Variants in TAF1B observed in about 807,000 individuals in gnomAD.
The protein encoded by TAF1B is TATA-box binding protein associated factor, RNA polymerase I subunit B.
TAF1B carries 61 observed loss-of-function variants against 83.9 expected under a neutral mutation model. The ratio of observed to expected loss-of-function variants is 0.73; its 90% CI spans 0.59 to 0.90. The LOEUF is 0.90. Among genes scored for constraint, TAF1B ranks in the 40% least tolerant of loss-of-function variants. The pLI is 0.00. For synonymous variants in TAF1B, 221 were observed against 224.6 expected (o/e 0.98, Z 0.14); for missense variants, 625 against 677.0 (o/e 0.92, Z 0.85).
chr2:9,851,796 G>A (rs1663404420), intron 4 of TAF1B, among the ~76,000 whole-genome samples, 158 bp downstream of exon 4: 2 of 152,334 alleles, frequency 1.3e-5, no homozygotes, highest in East Asian at 3.9e-4. Flanking sequence ...TAGGTTAGCA[G>A]TTCTGGAAGT....
At chr2:9,921,190 C>T (rs1665867730) in intron 14 of TAF1B, among the ~76,000 whole-genome samples, 1 of 152,174 alleles carries the variant, frequency 6.6e-6, no homozygotes, top group South Asian at 2.1e-4. Context: ...TTCCTAGGCT[C>T]AAGCAATCCT....
In TAF1B at chr2:9,919,114, A is replaced by G. The variant is rs774895978; in HGVS notation, c.1342+3A>G. ...ACCAGTAGCATATAAAAAAAGAGGT[A>G]AGTCAAATTTTGTCTTTTTAATACC... On this transcript the variant is annotated splice_donor_region_variant and intron_variant, in intron 13 of 14. Coordinates refer to ENST00000263663, the MANE Select transcript of TAF1B (RefSeq NM_005680.3). The G allele has an allele frequency of 6.2e-7, 1 of 1,613,848 alleles. No individual in the cohort carries two copies. The highest frequency in any genetic ancestry group is 8.5e-7 in the Non-Finnish European group (1 of 1,179,866).
At chr2:9,918,786 A>G (rs904868547) in intron 12 of TAF1B, among the ~76,000 whole-genome samples, 2 of 152,206 alleles carry the variant, frequency 1.3e-5, no homozygotes, top group African/African-American at 4.8e-5. Context: ...TGTTTTTTGT[A>G]TAATTAATAG....
At chr2:9,888,005 C>T (rs1412248787) in intron 8 of TAF1B, among the ~76,000 whole-genome samples, 1 of 151,972 alleles carries the variant, frequency 6.6e-6, no homozygotes, top group African/African-American at 2.4e-5. Flanking sequence ...AGCAAATACC[C>T]CCACAGCCAA....
Position 9,919,523 on chromosome 2 carries a change from A to G in TAF1B, c.1343-75A>G, listed in dbSNP as rs898655929. ...AAGGAACCAATATTGGTACATTCCT[A>G]TCAAGTAAATTCCAGGCTTTATTTG... is the stretch of plus-strand genomic sequence containing the variant. On this transcript the variant is annotated intron_variant, in intron 13 of 14. Transcript: ENST00000263663. 5.4e-6 allele frequency: 7 copies of G among 1,302,982 alleles called. No individual in the cohort carries two copies. The Admixed American group carries it at 8.8e-5, about 16-fold the overall frequency. 80.7% of individuals were successfully genotyped at this position (1,302,982 alleles called of 1,614,324 possible).
In TAF1B at chr2:9,903,332, G is replaced by A. The variant is rs1031520751; in HGVS notation, c.808-1527G>A. On this transcript the variant is annotated intron_variant, in intron 8 of 14. Coordinates refer to ENST00000263663, the MANE Select transcript of TAF1B (RefSeq NM_005680.3). ...AATCTCCTGACCTCATGATCCGCCC[G>A]GCTCGGCCTCCCAAAGTGCTGGGAT... Among the ~76,000 whole-genome samples, 29 of 152,190 alleles carry A rather than the reference G, an allele frequency of 1.9e-4. No individual in the cohort carries two copies. In the East Asian group the frequency reaches 3.1e-3, roughly 16 times the overall value.
chr2:9,910,618 G>A, intron 9 of TAF1B, 118 bp from the exon 10 acceptor site: 1 of 753,768 alleles, frequency 1.3e-6, no homozygotes. Flanking sequence ...TTCACAAAAT[G>A]TGGGTCTCTG....
In TAF1B at chr2:9,903,925, A is replaced by C. The variant is rs550547358; in HGVS notation, c.808-934A>C. Among the ~76,000 whole-genome samples the C allele has an allele frequency of 6.6e-5, 10 of 152,322 alleles. No homozygotes were observed. In the South Asian group the frequency reaches 2.1e-3, roughly 32 times the overall value. ...AGAATTTTAGTGGCTTTTAACATTT[A>C]GTATTTATGACTTAAAATTGCTGAG... On this transcript the variant is annotated intron_variant, in intron 8 of 14. Transcript: ENST00000263663.
At chr2:9,870,713 C>T (rs1664142431) in intron 6 of TAF1B, among the ~76,000 whole-genome samples, 1 of 152,074 alleles carries the variant, frequency 6.6e-6, no homozygotes, top group South Asian at 2.1e-4. Flanking sequence ...GTGCATTTCT[C>T]ATTCTCTCTC....
intron 3 of TAF1B, 90 bp from the exon 4 acceptor site, chr2:9,851,451 G>T: frequency 1.0e-6 from 1 of 993,536 alleles, no homozygotes; most frequent in Non-Finnish European, 1.4e-6. Flanking sequence ...AATTCAAGTC[G>T]CAATGTGTAA....
chr2:9,903,187 G>C (rs772350680), intron 8 of TAF1B, among the ~76,000 whole-genome samples: 1 of 152,118 alleles, frequency 6.6e-6, no homozygotes, highest in Admixed American at 6.5e-5. Flanking sequence ...CTGGGTTCAC[G>C]CCATTCTCCT....
At chr2:9,867,049 C>T (rs1664003098) in intron 5 of TAF1B, among the ~76,000 whole-genome samples, 1 of 152,048 alleles carries the variant, frequency 6.6e-6, no homozygotes, top group Non-Finnish European at 1.5e-5. Flanking sequence ...AAGAAACCTG[C>T]ATGTTGTGCA....
chr2:9,918,657 A>G (rs542671661), intron 12 of TAF1B, among the ~76,000 whole-genome samples: 50 of 152,356 alleles, frequency 3.3e-4, no homozygotes, highest in Admixed American at 1.7e-3. Context: ...AAGTACTACT[A>G]ACAACTCTCA....
At chr2:9,869,879 AAAG>A (rs1205671762) in intron 6 of TAF1B, among the ~76,000 whole-genome samples, 4 of 152,254 alleles carry the variant, frequency 2.6e-5, no homozygotes, top group Non-Finnish European at 5.9e-5. Flanking sequence ...CTCAAAAAAA[AAAG>A]AAGTAATTAT....
intron 6 of TAF1B, among the ~76,000 whole-genome samples, chr2:9,872,116 A>C (rs1664184746): frequency 6.6e-6 from 1 of 151,878 alleles, no homozygotes; most frequent in African/African-American, 2.4e-5. Context: ...TCACGAGGGC[A>C]GGAGATTGAG....
intron 1 of TAF1B, among the ~76,000 whole-genome samples, chr2:9,844,112 G>A (rs1173760545): frequency 6.6e-6 from 1 of 152,184 alleles, no homozygotes. Flanking sequence ...GATTTGGCAT[G>A]CATTTTGTTT....
intron 6 of TAF1B, among the ~76,000 whole-genome samples, chr2:9,872,805 C>T (rs565708146): frequency 5.3e-5 from 8 of 152,118 alleles, no homozygotes; most frequent in African/African-American, 1.7e-4. Context: ...CATTTAAAAC[C>T]GATGGTCCTT....
chr2:9,885,275 G>A (rs1358734279), intron 8 of TAF1B, among the ~76,000 whole-genome samples: 1 of 152,168 alleles, frequency 6.6e-6, no homozygotes, highest in Non-Finnish European at 1.5e-5. Context: ...GATATCAGCT[G>A]AACTGTTTAT....
At position 9,874,395 on chromosome 2, in the gene TAF1B, ACT is replaced by A. The variant is rs1426723816; in HGVS notation, c.554-1467_554-1466del. ...TCTTCCCTTCCCATCACTTACTATGACTCTACATTGCTATTTTTCTATGTAGC... is the reference window on the plus strand; with the variant it reads ...TCTTCCCTTCCCATCACTTACTATGACTACATTGCTATTTTTCTATGTAGC... On this transcript the variant is annotated intron_variant, in intron 6 of 14. Transcript: ENST00000263663. Among the ~76,000 whole-genome samples, 3 of 151,646 alleles carry A rather than the reference ACT, an allele frequency of 2.0e-5. No homozygotes were observed. In the East Asian group the frequency reaches 5.8e-4, roughly 29 times the overall value.
Sources: allele counts gnomAD v4.1 joint callset (sites outside exome capture counted in the v4.1 genomes callset), GRCh38; gene constraint gnomAD v4.1.1; transcripts MANE v1.5; gene names NCBI Gene and HGNC (gene_info 2026-07-23, HGNC 2026-07-21).